The following NOL4L variants were observed in gnomAD, a reference collection of about 807,000 sequenced individuals.
NOL4L encodes nucleolar protein 4 like.
In NOL4L, 7 loss-of-function variants were observed where a neutral mutation model predicts 64.5. The ratio of observed to expected loss-of-function variants is 0.11; its 90% confidence interval spans 0.06 to 0.20. The LOEUF (loss-of-function observed/expected upper bound fraction) is 0.20, where lower values mean the gene tolerates loss of function less well. Among genes scored for constraint, NOL4L ranks in the 10% least tolerant of loss-of-function variants. NOL4L has a pLI of 1.00. For synonymous variants in NOL4L, 413 were observed against 401.0 expected, an observed-to-expected ratio of 1.03 and a Z score of -0.36; for missense variants, 680 against 967.1, an observed-to-expected ratio of 0.70 and a Z score of 3.94.
chr20:32,508,504 A>G (rs1195694946), intron 4 of NOL4L, among the ~76,000 whole-genome samples: 1 of 152,208 alleles, frequency 6.6e-6, no homozygotes, highest in African/African-American at 2.4e-5. Context: ...AGTGCTGAAG[A>G]CTGACAGATG....
intron 4 of NOL4L, among the ~76,000 whole-genome samples, chr20:32,510,826 T>C (rs1303088516): frequency 6.6e-6 from 1 of 152,146 alleles, no homozygotes; most frequent in Non-Finnish European, 1.5e-5. Flanking sequence ...TTTCTTTTCA[T>C]AGCCTGTTTC....
At chr20:32,475,916 G>A (rs6141730) in intron 4 of NOL4L, among the ~76,000 whole-genome samples, 2 of 152,126 alleles carry the variant, frequency 1.3e-5, no homozygotes, top group East Asian at 1.9e-4. Context: ...CTCCCCCACC[G>A]GCTGGGCTGG....
At chr20:32,566,716 G>A (rs773075884) in intron 1 of NOL4L, among the ~76,000 whole-genome samples, 1 of 152,124 alleles carries the variant, frequency 6.6e-6, no homozygotes, top group Non-Finnish European at 1.5e-5. Context: ...GCCTCTCACT[G>A]AGGCCCTCCC....
chr20:32,558,329 G>C (rs534871350), intron 1 of NOL4L, among the ~76,000 whole-genome samples: 1 of 149,850 alleles, frequency 6.7e-6, no homozygotes, highest in African/African-American at 2.5e-5. Flanking sequence ...GCTGAAATCC[G>C]CATCGTAATC....
intron 2 of NOL4L, 90 bp downstream of exon 2, chr20:32,527,667 GC>G: frequency 7.0e-7 from 1 of 1,429,774 alleles, no homozygotes; most frequent in Non-Finnish European, 9.3e-7. Flanking sequence ...TCAGCTCCCT[GC>G]CCCGCCCCCC....
At chr20:32,520,962 G>C (rs2017911405) in intron 2 of NOL4L, 40 bp from the exon 3 acceptor site, 3 of 1,427,754 alleles carry the variant, frequency 2.1e-6, no homozygotes, top group Non-Finnish European at 9.6e-7. Context: ...ATGGATCTGT[G>C]GGGAGGCAAC....
At chr20:32,466,296 C>T (rs904339797) in intron 5 of NOL4L, among the ~76,000 whole-genome samples, 7 of 152,258 alleles carry the variant, frequency 4.6e-5, no homozygotes, top group South Asian at 2.1e-4. Flanking sequence ...GTGAACCTCT[C>T]GGCTCCTCAG....
intron 1 of NOL4L, among the ~76,000 whole-genome samples, chr20:32,564,776 G>A (rs765974989): frequency 1.1e-4 from 16 of 152,230 alleles, no homozygotes; most frequent in Non-Finnish European, 2.2e-4. Flanking sequence ...TTGCTCCTTC[G>A]AGGGGTCCAG....
At chr20:32,538,453 CCCTCCCTCG>C in intron 1 of NOL4L, among the ~76,000 whole-genome samples, 1 of 142,246 alleles carries the variant, frequency 7.0e-6, no homozygotes, top group Admixed American at 7.0e-5. Context: ...CCTCCTCCCT[CCCTCCCTCG>C]CTCCCTCCCT....
chr20:32,570,336 C>T (rs1028941555), intron 1 of NOL4L, among the ~76,000 whole-genome samples: 3 of 152,304 alleles, frequency 2.0e-5, no homozygotes, highest in South Asian at 2.1e-4. Flanking sequence ...ACATCTTAGG[C>T]GCTGCGTTGG....
intron 4 of NOL4L, among the ~76,000 whole-genome samples, chr20:32,485,093 A>AAAAAAAAAAAAAAAAAAAAAAAG (rs2016028497): frequency 1.7e-5 from 2 of 114,528 alleles, no homozygotes; most frequent in Non-Finnish European, 3.7e-5. Flanking sequence ...AAAAACAACT[A>AAAAAAAAAAAAAAAAAAAAAAAG]AAAAAAAACC....
chr20:32,467,989 T>C (rs2143534), intron 5 of NOL4L, among the ~76,000 whole-genome samples: 69,256 of 151,888 alleles, frequency 0.46, 17,124 homozygotes, highest in East Asian at 0.82. Context: ...TTCTGGGTGG[T>C]GGAGGGCCCC....
chr20:32,581,838 G>C (rs546693343), intron 1 of NOL4L: 2 of 152,390 alleles, frequency 1.3e-5, no homozygotes, highest in African/African-American at 2.4e-5. Context: ...AAAACCCACC[G>C]AGGACCAAAC....
At chr20:32,575,084 T>C (rs1980009072) in intron 1 of NOL4L, among the ~76,000 whole-genome samples, 1 of 152,110 alleles carries the variant, frequency 6.6e-6, no homozygotes. Flanking sequence ...TCCATCGCCC[T>C]CTTGCCTCTC....
At chr20:32,526,464 C>A (rs1443873834) in intron 2 of NOL4L, among the ~76,000 whole-genome samples, 1 of 149,970 alleles carries the variant, frequency 6.7e-6, no homozygotes, top group Non-Finnish European at 1.5e-5. Context: ...AGGGCAAAAG[C>A]CATTTTCTGA....
At chr20:32,531,455 C>G (rs111304545) in intron 1 of NOL4L, among the ~76,000 whole-genome samples, 2 of 151,576 alleles carry the variant, frequency 1.3e-5, no homozygotes, top group African/African-American at 4.9e-5. Context: ...TGGGTTCAAA[C>G]GATTCTCCTG....
intron 1 of NOL4L, among the ~76,000 whole-genome samples, chr20:32,563,352 C>T (rs1219793507): frequency 2.0e-5 from 3 of 151,004 alleles, no homozygotes; most frequent in Non-Finnish European, 4.4e-5. Context: ...CTCACCTTTA[C>T]TGAATACCTG....
chr20:32,488,719 T>C (rs956574466), intron 4 of NOL4L, among the ~76,000 whole-genome samples: 2 of 151,970 alleles, frequency 1.3e-5, no homozygotes, highest in African/African-American at 4.8e-5. Context: ...CTTGTATTTC[T>C]TTTTCTTTCT....
In NOL4L at chr20:32,520,794, C is replaced by T. The variant is rs1423007596; in HGVS notation, c.589+17G>A. ...GATGGCCCCCGCCCTAGCCCTCCAG[C>T]ACGCCACCCCTGCTACCTTTGGGTT... is the stretch of plus-strand genomic sequence containing the variant. On this transcript the variant is annotated intron_variant, in intron 3 of 10. Transcript: ENST00000621426. 3.3e-6 allele frequency: 5 copies of T among 1,505,254 alleles called. No individual in the cohort carries two copies. Among genetic ancestry groups the T allele is most frequent in the Non-Finnish European group, 4.5e-6 (5 of 1,106,178 alleles). 93.2% of individuals were successfully genotyped at this position (1,505,254 alleles called of 1,614,324 possible).
Sources: allele counts gnomAD v4.1 joint callset (sites outside exome capture counted in the v4.1 genomes callset), GRCh38; gene constraint gnomAD v4.1.1; transcripts MANE v1.5; gene names NCBI Gene and HGNC (gene_info 2026-07-23, HGNC 2026-07-21).